Variants in NAV1 observed in about 807,000 individuals in gnomAD.
The protein encoded by NAV1 is pore membrane and/or filament interacting like protein 3.
A neutral mutation model predicts 175.2 loss-of-function variants in NAV1; 18 were observed. The ratio of observed to expected loss-of-function variants is 0.10; its 90% CI spans 0.07 to 0.15. The LOEUF (loss-of-function observed/expected upper bound fraction) is 0.15. NAV1 is among the 10% of genes least tolerant of loss of function. NAV1 has a pLI of 1.00. For missense variants in NAV1, 1,731 were observed against 2,436.6 expected (o/e 0.71, Z 6.10); for synonymous variants, 897 against 978.7 (o/e 0.92, Z 1.56).
exon 30 of NAV1, chr1:201,823,363 CGTGTGTGTGTGTGTGTGT>C (rs4025040): frequency 1.7e-5 from 2 of 115,018 alleles, no homozygotes; most frequent in African/African-American, 5.5e-5. Context: ...CTGATGTCTG[CGTGTGTGTGTGTGTGTGT>C]GTGTGTGTGT....
chr1:201,769,910 A>G (rs1675462370), intron 3 of NAV1, among the ~76,000 whole-genome samples: 1 of 152,254 alleles, frequency 6.6e-6, no homozygotes, highest in Admixed American at 6.5e-5. Context: ...CGCAAGGCAT[A>G]TATATTCTGG....
intron 1 of NAV1, among the ~76,000 whole-genome samples, chr1:201,584,271 A>G (rs1364449071): frequency 6.6e-6 from 1 of 152,192 alleles, no homozygotes; most frequent in Non-Finnish European, 1.5e-5. Context: ...TCATGATACC[A>G]TGTTTTTAGG....
chr1:201,598,608 G>T (rs908657183), intron 2 of NAV1, among the ~76,000 whole-genome samples: 2 of 152,190 alleles, frequency 1.3e-5, no homozygotes, highest in African/African-American at 4.8e-5. Flanking sequence ...GATGTGCTTC[G>T]CCTGGAATAG....
intron 1 of NAV1, among the ~76,000 whole-genome samples, chr1:201,703,000 C>T (rs1671503780): frequency 6.6e-6 from 1 of 152,158 alleles, no homozygotes; most frequent in Non-Finnish European, 1.5e-5. Context: ...CAATACTAAT[C>T]TTACTAGTGT....
chr1:201,720,364 C>T (rs1672331304), intron 3 of NAV1, among the ~76,000 whole-genome samples: 1 of 152,216 alleles, frequency 6.6e-6, no homozygotes. Context: ...TAGGGAGCTT[C>T]CAGACAGGGG....
chr1:201,642,793 G>A (rs903421316), intron 2 of NAV1, among the ~76,000 whole-genome samples: 8 of 133,046 alleles, frequency 6.0e-5, no homozygotes, highest in Middle Eastern at 4.3e-3. Context: ...TTTCTTTCTC[G>A]GAGTCTTGCT....
chr1:201,732,909 A>G (rs1672925939), intron 3 of NAV1, among the ~76,000 whole-genome samples: 1 of 152,164 alleles, frequency 6.6e-6, no homozygotes, highest in East Asian at 1.9e-4. Context: ...TGTGTCTACT[A>G]AAAATACAAA....
intron 2 of NAV1, among the ~76,000 whole-genome samples, chr1:201,715,978 A>G (rs1393324446): frequency 2.0e-5 from 3 of 152,190 alleles, no homozygotes; most frequent in African/African-American, 7.2e-5. Context: ...CACCAAGCTT[A>G]AGTCTAGAGA....
At chr1:201,820,004 T>G (rs1188141419) in exon 30 of NAV1, 16 of 1,401,904 alleles carry the variant, frequency 1.1e-5, no homozygotes, top group Non-Finnish European at 1.5e-5. Flanking sequence ...TCCTCTCCCC[T>G]CTCCTCTTTC....
chr1:201,649,365 C>T (rs1351349628), exon 1 of NAV1: 1 of 1,607,240 alleles, frequency 6.2e-7, no homozygotes, highest in South Asian at 1.1e-5. Context: ...CAAGGTGGAC[C>T]CCGAGCTGGT....
At chr1:201,763,311 T>C (rs1360702163) in intron 3 of NAV1, among the ~76,000 whole-genome samples, 1 of 152,252 alleles carries the variant, frequency 6.6e-6, no homozygotes, top group East Asian at 1.9e-4. Context: ...ACATACTCAG[T>C]ACTCCAGAGC....
At chr1:201,803,763 G>A (rs41313906) in intron 16 of NAV1, 49 bp downstream of exon 20, 95,419 of 1,589,664 alleles carry the variant, frequency 0.06, 3,097 homozygotes, top group Middle Eastern at 0.099. Flanking sequence ...GTGGTGGACC[G>A]CCTTCACCTC....
chr1:201,642,522 T>TCTCTC, intron 2 of NAV1, among the ~76,000 whole-genome samples: 1 of 96,826 alleles, frequency 1.0e-5, no homozygotes, highest in African/African-American at 6.4e-5. Context: ...TCTTTCTTTC[T>TCTCTC]TTTTTTCTTT....
intron 1 of NAV1, among the ~76,000 whole-genome samples, chr1:201,657,642 C>T (rs796736323): frequency 7.2e-5 from 11 of 152,324 alleles, no homozygotes; most frequent in African/African-American, 1.7e-4. Flanking sequence ...CGGGGACCCA[C>T]GGCACCTGGC....
At chr1:201,588,416 T>C (rs1353232262) in intron 1 of NAV1, among the ~76,000 whole-genome samples, 123 bp from the exon 2 acceptor site, 1 of 152,182 alleles carries the variant, frequency 6.6e-6, no homozygotes. Context: ...GACACAATCA[T>C]AGCTCACTGC....
intron 1 of NAV1, among the ~76,000 whole-genome samples, chr1:201,701,494 G>A (rs1284981491): frequency 6.6e-6 from 1 of 152,166 alleles, no homozygotes; most frequent in Non-Finnish European, 1.5e-5. Flanking sequence ...GTGCTCCAAG[G>A]TGGTGGAAAC....
chr1:201,771,592 C>A (rs1230014098), intron 3 of NAV1, among the ~76,000 whole-genome samples: 1 of 151,880 alleles, frequency 6.6e-6, no homozygotes, highest in Non-Finnish European at 1.5e-5. Flanking sequence ...AGCTCTCAAT[C>A]CTAGCAGCCT....
At chr1:201,655,469 C>G (rs1344809629) in intron 1 of NAV1, among the ~76,000 whole-genome samples, 1 of 152,190 alleles carries the variant, frequency 6.6e-6, no homozygotes, top group East Asian at 1.9e-4. Flanking sequence ...GTAGGGGGGG[C>G]CAGGCCCAGC....
At chr1:201,805,226 G>T (rs1678200661) in intron 17 of NAV1, among the ~76,000 whole-genome samples, 1 of 152,186 alleles carries the variant, frequency 6.6e-6, no homozygotes, top group Non-Finnish European at 1.5e-5. Context: ...CATTAAGAAG[G>T]CTGCAGTATT....
Sources: allele counts gnomAD v4.1 joint callset (sites outside exome capture counted in the v4.1 genomes callset), GRCh38; gene constraint gnomAD v4.1.1; transcripts MANE v1.5; gene names NCBI Gene and HGNC (gene_info 2026-07-23, HGNC 2026-07-21).